The following PROX1 variants were observed in gnomAD, a reference collection of about 807,000 sequenced individuals.
PROX1 encodes the protein prospero homeobox 1, also known as prospero homeobox protein 1.
In PROX1, 7 loss-of-function variants were observed where a neutral mutation model predicts 58.8. The observed-to-expected ratio is 0.12, with a 90% CI of 0.07 to 0.22. The LOEUF (loss-of-function observed/expected upper bound fraction) is 0.22, where lower values mean the gene tolerates loss of function less well. Among genes scored for constraint, PROX1 ranks in the 10% least tolerant of loss-of-function variants. The pLI is 1.00. For synonymous variants in PROX1, 350 were observed against 358.3 expected, an observed-to-expected ratio of 0.98 and a Z score of 0.26; for missense variants, 675 against 927.8, an observed-to-expected ratio of 0.73 and a Z score of 3.54.
intron 4 of PROX1, among the ~76,000 whole-genome samples, chr1:214,027,198 C>T (rs149468175): frequency 1.9e-3 from 295 of 152,134 alleles, no homozygotes; most frequent in African/African-American, 6.7e-3. Context: ...CTAGCCTTTC[C>T]CTGGGTTTGC....
At chr1:214,031,572 A>G (rs1372782391) in intron 4 of PROX1, among the ~76,000 whole-genome samples, 2 of 152,134 alleles carry the variant, frequency 1.3e-5, no homozygotes, top group Non-Finnish European at 2.9e-5. Flanking sequence ...GAGATACTCT[A>G]GGGTTCATTC....
At chr1:214,008,209 G>A (rs1285283860) in intron 3 of PROX1, among the ~76,000 whole-genome samples, 1 of 151,984 alleles carries the variant, frequency 6.6e-6, no homozygotes, top group Non-Finnish European at 1.5e-5. Flanking sequence ...GTGCCACCAC[G>A]CCTGGCTAAT....
In PROX1 at chr1:213,994,550, T is replaced by A. The variant is rs1004754726; in HGVS notation, c.-67-1919T>A. Among the ~76,000 whole-genome samples, 12 of 151,906 alleles carry A rather than the reference T, an allele frequency of 7.9e-5. 2 individuals are homozygous for A. In the East Asian group the frequency reaches 2.0e-3, roughly 25 times the overall value. Reference sequence around the variant, plus strand: ...CTGACAGCTAACCTGATTTATCAGATCTAATGTGTTTGTGTAGTATTTGTC... The same window carrying A: ...CTGACAGCTAACCTGATTTATCAGAACTAATGTGTTTGTGTAGTATTTGTC... On this transcript the variant is annotated intron_variant, in intron 1 of 4. Transcript: ENST00000366958.
intron 4 of PROX1, among the ~76,000 whole-genome samples, chr1:214,012,595 C>T (rs1295887259): frequency 6.6e-6 from 1 of 152,150 alleles, no homozygotes; most frequent in African/African-American, 2.4e-5. Flanking sequence ...TTTTGCTGAG[C>T]CCTGCTGGCT....
chr1:213,997,066 C>T lies in PROX1; in HGVS notation c.531C>T (p.Ser177=), dbSNP rs1287909846. 2.2e-5 allele frequency: 35 copies of T among 1,613,764 alleles called. No homozygotes were observed. Among genetic ancestry groups the T allele is most frequent in the Non-Finnish European group, 2.6e-5 (31 of 1,179,974 alleles). ...TTGAGAATATAATTCGGGGTATGAG[C>T]CATTCCCCCAGTGTGGCATTAAGGG... is the stretch of plus-strand genomic sequence containing the variant. The part of the protein sequence containing the change: ...ARVENIIRGM[S]HSPSVALRGN... Residue 177 remains serine, a synonymous_variant, in exon 2 of 5, where the codon AGC becomes AGT. Coordinates refer to ENST00000366958, the MANE Select transcript of PROX1 (RefSeq NM_001270616.2). This position sits in a 1 kb window ranked among gnomAD's most constrained non-coding sequence, Gnocchi z 7.1.
rs1454202090 is a variant in PROX1 at position 213,996,668 on chromosome 1, A to G, written c.133A>G (p.Met45Val). The G allele has an allele frequency of 1.2e-6, 2 of 1,614,234 alleles. No individual in the cohort carries two copies. Among genetic ancestry groups the G allele is most frequent in the Non-Finnish European group, 1.7e-6 (2 of 1,180,048 alleles). Reference protein sequence around the residue: ...AKARATFFSAMNPQGSEQDVE... With the variant: ...AKARATFFSAVNPQGSEQDVE... ...GGCAAGAGCAACGTTTTTTAGTGCC[A>G]TGAATCCCCAAGGTTCTGAGCAGGA... is the stretch of plus-strand genomic sequence containing the variant. The change falls in exon 2 of 5, where the codon ATG becomes GTG. Residue 45 changes from methionine to valine, a missense_variant. Physicochemically the swap from Met to Val is conservative, Grantham distance 21 (BLOSUM62 1). Coordinates refer to ENST00000366958, the MANE Select transcript of PROX1 (RefSeq NM_001270616.2).
At chr1:213,993,119 A>C (rs1478043037) in intron 1 of PROX1, among the ~76,000 whole-genome samples, 1 of 152,220 alleles carries the variant, frequency 6.6e-6, no homozygotes, top group Non-Finnish European at 1.5e-5. Context: ...TGTAGGTTAT[A>C]TACGAAGTGA....
chr1:214,016,082 CTG>C (rs1490620161), intron 4 of PROX1, among the ~76,000 whole-genome samples: 1 of 152,162 alleles, frequency 6.6e-6, no homozygotes, highest in African/African-American at 2.4e-5. Flanking sequence ...ATCTTAGAGA[CTG>C]TGGGTTTGAC....
chr1:214,003,892 A>T (rs760958397), intron 2 of PROX1, among the ~76,000 whole-genome samples: 3 of 152,114 alleles, frequency 2.0e-5, no homozygotes, highest in Non-Finnish European at 4.4e-5. Context: ...CATTTGGAAA[A>T]TTTTACCTTT....
At position 214,027,680 on chromosome 1, in the gene PROX1, C is replaced by A. The variant is rs1042645833; in HGVS notation, c.2029-7969C>A. 2.0e-5 allele frequency among the ~76,000 whole-genome samples: 3 copies of A among 152,076 alleles called. No individual in the cohort carries two copies. In the East Asian group the frequency reaches 5.8e-4, roughly 29 times the overall value. On this transcript the variant is annotated intron_variant, in intron 4 of 4. Coordinates refer to ENST00000366958, the MANE Select transcript of PROX1 (RefSeq NM_001270616.2). ...AACCCTGGTTGCAACACGTCTGCCC[C>A]GTTTTGAAACTGTCTTTATCTAGCC...
At chr1:214,025,724 A>G (rs559566379) in intron 4 of PROX1, among the ~76,000 whole-genome samples, 2 of 148,190 alleles carry the variant, frequency 1.3e-5, no homozygotes, top group African/African-American at 5.0e-5. Context: ...GTGCAGTGGC[A>G]TGATCTCAGC....
chr1:214,014,684 T>C (rs1664031759), intron 4 of PROX1, among the ~76,000 whole-genome samples: 1 of 151,850 alleles, frequency 6.6e-6, no homozygotes, highest in Non-Finnish European at 1.5e-5. Flanking sequence ...TTTACTATTC[T>C]TCAAGTTATT....
At chr1:214,007,847 T>G (rs1263423664) in intron 3 of PROX1, among the ~76,000 whole-genome samples, 2 of 152,180 alleles carry the variant, frequency 1.3e-5, no homozygotes, top group Non-Finnish European at 2.9e-5. Context: ...AAGAAATCAC[T>G]AGAGAAATTG....
At chr1:214,017,008 C>A (rs1664120570) in intron 4 of PROX1, among the ~76,000 whole-genome samples, 1 of 152,172 alleles carries the variant, frequency 6.6e-6, no homozygotes, top group Non-Finnish European at 1.5e-5. Context: ...CCTTTCTCAA[C>A]ATTCTTAAAG....
intron 1 of PROX1, among the ~76,000 whole-genome samples, chr1:213,992,155 G>A (rs1479991215): frequency 6.6e-6 from 1 of 152,116 alleles, no homozygotes; most frequent in Non-Finnish European, 1.5e-5. Context: ...AAAATGTTCT[G>A]TGTTCATTTT....
At chr1:214,013,166 T>C (rs1025527492) in intron 4 of PROX1, among the ~76,000 whole-genome samples, 3 of 151,942 alleles carry the variant, frequency 2.0e-5, no homozygotes, top group Non-Finnish European at 4.4e-5. Context: ...TGTGTGTGTG[T>C]GTTTGCTAAA....
intron 4 of PROX1, among the ~76,000 whole-genome samples, chr1:214,026,841 C>T (rs969080930): frequency 6.6e-6 from 1 of 152,160 alleles, no homozygotes; most frequent in Non-Finnish European, 1.5e-5. Flanking sequence ...CAAAATTCAG[C>T]TCCTGTGATG....
Position 214,041,510 on chromosome 1 carries a change from A to G in PROX1, c.*5676A>G, listed in dbSNP as rs1284904851. The G allele has an allele frequency of 1.3e-5, 2 of 152,038 alleles. No individual in the cohort carries two copies. Among genetic ancestry groups the G allele is most frequent in the Non-Finnish European group, 2.9e-5 (2 of 67,978 alleles). The allele number at this position is 152,038 out of a possible 1,614,324, so 9.4% of individuals were successfully genotyped here. On this transcript the variant is annotated 3_prime_UTR_variant, in exon 5 of 5. Coordinates refer to ENST00000366958, the MANE Select transcript of PROX1 (RefSeq NM_001270616.2). ...TATTTAGCCCTGAAACTTAAAAAAAAAAAAAAAAGCTTTAGCTCAAAGTAA... is the reference window on the plus strand; with the variant it reads ...TATTTAGCCCTGAAACTTAAAAAAAGAAAAAAAAGCTTTAGCTCAAAGTAA...
At chr1:214,020,056 C>T (rs1664229348) in intron 4 of PROX1, among the ~76,000 whole-genome samples, 2 of 152,174 alleles carry the variant, frequency 1.3e-5, no homozygotes, top group South Asian at 4.1e-4. Flanking sequence ...TGAATAGTGA[C>T]TTTGAATAGC....
Sources: gnomAD v4.1 joint callset for allele counts (sites outside exome capture counted in the v4.1 genomes callset) on GRCh38, gnomAD v4.1.1 for gene constraint, Gnocchi (gnomAD v3.1) non-coding constraint, MANE v1.5 for transcripts, NCBI Gene and HGNC (gene_info 2026-07-23, HGNC 2026-07-21) for gene names.